The following TSHZ2 variants were observed in gnomAD, a reference collection of about 807,000 sequenced individuals.
TSHZ2 encodes teashirt zinc finger homeobox 2.
Under a neutral mutation model 74.4 loss-of-function variants are expected in TSHZ2, and 21 were observed. The ratio of observed to expected loss-of-function variants is 0.28; its 90% confidence interval spans 0.20 to 0.41. The LOEUF is 0.41. Among genes scored for constraint, TSHZ2 ranks in the 10% least tolerant of loss-of-function variants. The pLI is 1.00. For missense variants in TSHZ2, 1,244 were observed against 1,293.5 expected (o/e 0.96, Z 0.59); for synonymous variants, 540 against 515.3 (o/e 1.05, Z -0.65).
rs567562712 is a variant in TSHZ2, at chr20:53,143,429, C to T, written c.41-110070C>T. On this transcript the variant is annotated intron_variant, in intron 1 of 2. Coordinates refer to ENST00000371497, the MANE Select transcript of TSHZ2 (RefSeq NM_173485.6). ...TTGTAATAGGCCGGGCGCGGTGGCT[C>T]ACGCCTTTAATCCCAGCACTTTGGG... Among the ~76,000 whole-genome samples, 626 of 152,296 alleles carry T rather than the reference C, an allele frequency of 4.1e-3. 5 individuals carry two copies. Among genetic ancestry groups the T allele is most frequent in the Middle Eastern group, 0.01 (3 of 294 alleles).
At chr20:53,050,085 A>G (rs550385626) in intron 1 of TSHZ2, among the ~76,000 whole-genome samples, 1 of 133,990 alleles carries the variant, frequency 7.5e-6, no homozygotes, top group African/African-American at 2.9e-5. Context: ...AATCTCAAAA[A>G]AAAAAATGTA....
At chr20:53,079,374 C>A (rs1328358406) in intron 1 of TSHZ2, among the ~76,000 whole-genome samples, 1 of 152,140 alleles carries the variant, frequency 6.6e-6, no homozygotes, top group African/African-American at 2.4e-5. Context: ...ATATCTCATG[C>A]GGGTTGCCAG....
chr20:52,994,134 T>A (rs546033066), intron 1 of TSHZ2, among the ~76,000 whole-genome samples: 1 of 152,234 alleles, frequency 6.6e-6, no homozygotes, highest in Non-Finnish European at 1.5e-5. Flanking sequence ...CAGATATTTA[T>A]TAATTTACAT....
intron 2 of TSHZ2, among the ~76,000 whole-genome samples, chr20:53,347,980 T>C (rs1056299839): frequency 2.6e-5 from 4 of 152,152 alleles, no homozygotes; most frequent in Non-Finnish European, 4.4e-5. Flanking sequence ...AACCCTACTC[T>C]TTCCCTCCTC....
intron 2 of TSHZ2, among the ~76,000 whole-genome samples, chr20:53,431,105 T>C (rs747333367): frequency 6.6e-6 from 1 of 152,116 alleles, no homozygotes; most frequent in African/African-American, 2.4e-5. Flanking sequence ...GAACATGAGA[T>C]GGACTTGTCC....
intron 1 of TSHZ2, among the ~76,000 whole-genome samples, chr20:53,014,216 A>T (rs1982953634): frequency 6.6e-6 from 1 of 151,998 alleles, no homozygotes; most frequent in African/African-American, 2.4e-5. Context: ...AGAGAGAGAG[A>T]GAGAGAAGAG....
rs1986481575 is a variant in TSHZ2, at chr20:53,492,770, A to T, written c.*5635A>T. On this transcript the variant is annotated 3_prime_UTR_variant, in exon 3 of 3. Transcript: ENST00000371497. ...ATTTGCTCCCTTGCATTAATTCTAG[A>T]TTTTTTTTTAATTTCTTTTAGAAAG... 6.6e-6 allele frequency: 1 copy of T among 151,840 alleles called. No individual in the cohort carries two copies. Among genetic ancestry groups the T allele is most frequent in the Admixed American group, 6.6e-5 (1 of 15,204 alleles). 9.4% of individuals were successfully genotyped at this position (151,840 alleles called of 1,614,324 possible). A position where few individuals can be genotyped will look rare whatever the true frequency, so the allele number is the denominator to read the frequency against.
chr20:53,305,923 A>G (rs888613572), intron 2 of TSHZ2, among the ~76,000 whole-genome samples: 27 of 151,124 alleles, frequency 1.8e-4, no homozygotes, highest in Non-Finnish European at 3.8e-4. Flanking sequence ...GGCTGCAGTG[A>G]GCTGAGATAG....
At chr20:53,473,889 C>T (rs1415053693) in intron 2 of TSHZ2, among the ~76,000 whole-genome samples, 10 of 152,066 alleles carry the variant, frequency 6.6e-5, no homozygotes, top group Admixed American at 6.6e-4. Flanking sequence ...ATGCAATCAA[C>T]TGGAAGAAAG....
At chr20:53,071,300 A>T (rs1985166916) in intron 1 of TSHZ2, among the ~76,000 whole-genome samples, 2 of 152,216 alleles carry the variant, frequency 1.3e-5, no homozygotes, top group African/African-American at 4.8e-5. Flanking sequence ...AATGTCTTAG[A>T]AACTAGGGCT....
At chr20:53,222,557 G>T (rs946024334) in intron 1 of TSHZ2, among the ~76,000 whole-genome samples, 17 of 152,304 alleles carry the variant, frequency 1.1e-4, no homozygotes, top group Non-Finnish European at 1.5e-5. Context: ...GCAAAAATGC[G>T]TTCAGGTTAA....
At chr20:52,977,219 A>G (rs2122863844) in intron 1 of TSHZ2, among the ~76,000 whole-genome samples, 1 of 152,246 alleles carries the variant, frequency 6.6e-6, no homozygotes, top group South Asian at 2.1e-4. Context: ...CAGGCAGCTC[A>G]GGGCGAAGTT....
At chr20:53,038,765 G>T (rs1231846663) in intron 1 of TSHZ2, among the ~76,000 whole-genome samples, 4 of 152,036 alleles carry the variant, frequency 2.6e-5, no homozygotes, top group African/African-American at 4.8e-5. Flanking sequence ...GGTACTGACT[G>T]TTGTTATTGA....
chr20:53,430,500 A>AAGAAATC (rs2145731217), intron 2 of TSHZ2, among the ~76,000 whole-genome samples: 1 of 152,250 alleles, frequency 6.6e-6, no homozygotes, highest in Non-Finnish European at 1.5e-5. Flanking sequence ...GGCAGAAATC[A>AAGAAATC]AGAAATCAGA....
At chr20:53,328,043 C>T (rs535670403) in intron 2 of TSHZ2, among the ~76,000 whole-genome samples, 11 of 152,230 alleles carry the variant, frequency 7.2e-5, no homozygotes, top group Admixed American at 5.9e-4. Flanking sequence ...CAAAGTGAAG[C>T]CTTGGGAGTC....
intron 1 of TSHZ2, among the ~76,000 whole-genome samples, chr20:53,023,024 C>G (rs117960285): frequency 0.012 from 1,783 of 152,270 alleles, 7 homozygotes; most frequent in Middle Eastern, 0.027. Flanking sequence ...ACTACCCCCC[C>G]ACCCAGATCT....
chr20:53,129,138 C>A (rs1037058694), intron 1 of TSHZ2, among the ~76,000 whole-genome samples: 3 of 152,218 alleles, frequency 2.0e-5, no homozygotes, highest in African/African-American at 7.2e-5. Context: ...GAAACAACAA[C>A]AATATCCAAT....
chr20:53,332,162 G>T (rs575086886), intron 2 of TSHZ2, among the ~76,000 whole-genome samples: 1 of 152,224 alleles, frequency 6.6e-6, no homozygotes, highest in South Asian at 2.1e-4. Context: ...GCTGAGCCTG[G>T]GACTCACCCT....
rs554442252 is a variant in TSHZ2, at chr20:52,974,015, G to A, written c.40+682G>A. ...GCTCTGGATTTTCTTTGCCTAGAGA[G>A]TTGCAAACTTTGTGAAATGATTCGT... is the stretch of plus-strand genomic sequence containing the variant. On this transcript the variant is annotated intron_variant, in intron 1 of 2. Coordinates refer to ENST00000371497, the MANE Select transcript of TSHZ2 (RefSeq NM_173485.6). Among the ~76,000 whole-genome samples the A allele has an allele frequency of 1.4e-4, 22 of 152,312 alleles. No homozygotes were observed. The South Asian group carries it at 3.1e-3, about 21-fold the overall frequency.
Sources: gnomAD v4.1 joint callset for allele counts (sites outside exome capture counted in the v4.1 genomes callset) on GRCh38, gnomAD v4.1.1 for gene constraint, MANE v1.5 for transcripts, NCBI Gene and HGNC (gene_info 2026-07-23, HGNC 2026-07-21) for gene names.